TAF8: variants seen among roughly 807,000 people sequenced by gnomAD.
TAF8 encodes TATA-box binding protein associated factor 8, also known as transcription initiation factor TFIID subunit 8.
A neutral mutation model predicts 36.5 loss-of-function variants in TAF8; 47 were observed. That is an observed-to-expected ratio of 1.29 (90% CI 1.02 to 1.64). The LOEUF (loss-of-function observed/expected upper bound fraction) is 1.64. TAF8 is among the 40% of genes most tolerant of loss of function. The probability of loss-of-function intolerance (pLI) is 0.00; values close to 1 mark genes in which losing one functional copy is unlikely to be tolerated. For synonymous variants in TAF8, 175 were observed against 159.5 expected (o/e 1.10, Z -0.73); for missense variants, 420 against 407.6 (o/e 1.03, Z -0.26).
intron 7 of TAF8, among the ~76,000 whole-genome samples, chr6:42,070,340 A>C (rs113867213): frequency 0.085 from 12,976 of 151,866 alleles, 733 homozygotes; most frequent in East Asian, 0.26. Context: ...TACAAAAAAA[A>C]AATTAGCCAG....
At chr6:42,055,811 G>T in intron 3 of TAF8, 141 bp from the exon 4 acceptor site, 1 of 758,870 alleles carries the variant, frequency 1.3e-6, no homozygotes, top group Non-Finnish European at 2.3e-6. Flanking sequence ...TTCCCTGTTA[G>T]GGAATTCTGC....
intron 7 of TAF8, among the ~76,000 whole-genome samples, chr6:42,070,681 G>A (rs1465370593): frequency 1.3e-5 from 2 of 152,144 alleles, no homozygotes; most frequent in Non-Finnish European, 2.9e-5. Flanking sequence ...AACTAAAAGG[G>A]GGAAAATGAA....
At chr6:42,064,791 C>T (rs960987265) in intron 5 of TAF8, among the ~76,000 whole-genome samples, 4 of 150,870 alleles carry the variant, frequency 2.7e-5, no homozygotes, top group African/African-American at 7.3e-5. Context: ...CCCGTCTCTA[C>T]TAAAAATACA....
chr6:42,077,480 G>A (rs1179338920), intron 8 of TAF8, 53 bp from the exon 9 acceptor site: 55 of 1,606,322 alleles, frequency 3.4e-5, no homozygotes, highest in Non-Finnish European at 1.4e-5. Flanking sequence ...TCCCCTAGAA[G>A]GAGAGCAGAC....
chr6:42,079,187 G>C lies in TAF8; in HGVS notation c.*1642G>C, dbSNP rs542902525. 10 of 985,526 alleles carry C rather than the reference G, an allele frequency of 1.0e-5. No homozygotes were observed. The African/African-American group carries it at 1.4e-4, about 14-fold the overall frequency. 61.0% of individuals were successfully genotyped at this position (985,526 alleles called of 1,614,324 possible). The stretch of plus-strand genomic sequence containing the variant: ...TTTGGTGGGGTGAGGGTGGGGTGTT[G>C]AGGGCTGGGCCTCATCTTGTATTCT... On this transcript the variant is annotated 3_prime_UTR_variant, in exon 9 of 9. Transcript: ENST00000372977.
At chr6:42,054,892 A>G (rs1482092845) in intron 2 of TAF8, among the ~76,000 whole-genome samples, 1 of 149,466 alleles carries the variant, frequency 6.7e-6, no homozygotes, top group Non-Finnish European at 1.5e-5. Flanking sequence ...GGCGTGAGCC[A>G]CCACACCTGG....
intron 6 of TAF8, among the ~76,000 whole-genome samples, chr6:42,067,416 AGTTGGCCAG>A (rs977646202): frequency 6.6e-6 from 1 of 151,962 alleles, no homozygotes; most frequent in African/African-American, 2.4e-5. Flanking sequence ...GGTTTCACCC[AGTTGGCCAG>A]GTTGGTCTTG....
At chr6:42,086,948 C>T (rs1232588947), downstream of TAF8, 13 of 635,022 alleles carry the variant, frequency 2.0e-5, no homozygotes, top group Admixed American at 1.7e-4. Context: ...ATTCAGCCAA[C>T]CCAGAGGATG....
chr6:42,065,423 G>T (rs1410936524), intron 5 of TAF8, among the ~76,000 whole-genome samples: 5 of 152,154 alleles, frequency 3.3e-5, no homozygotes, highest in African/African-American at 1.2e-4. Flanking sequence ...TCCATAACTT[G>T]ATTGCCAGCA....
chr6:42,079,234 C>T lies in TAF8; in HGVS notation c.*1689C>T, dbSNP rs910333695. Reference sequence around the variant, plus strand: ...TTCTGAAAGCTGAGAAACGGCTGGTCAGCTGGAAGGCTGGTGGATGGGCAG... The same window carrying T: ...TTCTGAAAGCTGAGAAACGGCTGGTTAGCTGGAAGGCTGGTGGATGGGCAG... On this transcript the variant is annotated 3_prime_UTR_variant, in exon 9 of 9. Transcript: ENST00000372977. The T allele has an allele frequency of 3.0e-6, 3 of 985,564 alleles. No individual in the cohort carries two copies. In the Admixed American group the frequency reaches 1.8e-4, roughly 61 times the overall value. The allele number at this position is 985,564 out of a possible 1,614,324, so 61.1% of individuals were successfully genotyped here. A position where few individuals can be genotyped will look rare whatever the true frequency, so the allele number is the denominator to read the frequency against.
rs185402881 is a variant in TAF8, at chr6:42,060,177, A to C, written c.489+2664A>C. ...TTAAAAGCAAAGATTTGGAAGCACT[A>C]GTTTGGGGACTTCTAACCCACAAAG... is the stretch of plus-strand genomic sequence containing the variant. On this transcript the variant is annotated intron_variant, in intron 5 of 8. Coordinates refer to ENST00000372977, the MANE Select transcript of TAF8 (RefSeq NM_138572.3). 1.8e-4 allele frequency among the ~76,000 whole-genome samples: 28 copies of C among 152,314 alleles called. No homozygotes were observed. In the East Asian group the frequency reaches 5.4e-3, roughly 29 times the overall value.
chr6:42,060,400 G>T (rs573412820), intron 5 of TAF8, among the ~76,000 whole-genome samples: 4 of 152,294 alleles, frequency 2.6e-5, no homozygotes, highest in Admixed American at 6.5e-5. Context: ...ATAAAGTGCA[G>T]CAAGAATAAT....
At chr6:42,075,429 G>T (rs1457796626) in intron 7 of TAF8, among the ~76,000 whole-genome samples, 1 of 152,226 alleles carries the variant, frequency 6.6e-6, no homozygotes, top group East Asian at 1.9e-4. Context: ...CAATTGATAG[G>T]ACAGGGAGAG....
rs1465450119 is a variant in TAF8 at position 42,051,407 on chromosome 6, C to T, written c.96C>T (p.Ala32=). 6.2e-7 allele frequency: 1 copy of T among 1,613,886 alleles called. No individual in the cohort carries two copies. The highest frequency in any genetic ancestry group is 1.3e-5 in the African/African-American group (1 of 74,852). The stretch of plus-strand genomic sequence containing the variant: ...ACCCTGCCGATAACTATCATCTGGC[C>T]CGGAGGAGAACCCTGCAGGTGGTTG... ...STNPADNYHL[A]RRRTLQVVVS... The change falls in exon 2 of 9, where the codon GCC becomes GCT. Residue 32 remains alanine (A), a synonymous_variant. Transcript: ENST00000372977.
chr6:42,065,711 G>C (rs892727780), intron 5 of TAF8, among the ~76,000 whole-genome samples: 3 of 152,126 alleles, frequency 2.0e-5, no homozygotes, highest in African/African-American at 4.8e-5. Context: ...GCGTCTCTTA[G>C]ACCCGAGACC....
intron 7 of TAF8, among the ~76,000 whole-genome samples, chr6:42,069,885 GA>G (rs1168987171): frequency 2.0e-5 from 3 of 152,184 alleles, no homozygotes; most frequent in Non-Finnish European, 4.4e-5. Context: ...ATGGAGGTGG[GA>G]GAACTGGAAG....
downstream of TAF8, chr6:42,086,899 C>T (rs971615429): frequency 1.8e-5 from 15 of 820,484 alleles, no homozygotes; most frequent in East Asian, 5.3e-5. Flanking sequence ...CTTGTCAGAT[C>T]GCCCAGGTGA....
chr6:42,053,639 A>G (rs1250046936), intron 2 of TAF8, among the ~76,000 whole-genome samples: 1 of 152,158 alleles, frequency 6.6e-6, no homozygotes, highest in African/African-American at 2.4e-5. Flanking sequence ...TCTGTTATTC[A>G]TCAGACCCAT....
chr6:42,055,608 G>A lies in TAF8; in HGVS notation c.280G>A (p.Val94Met), dbSNP rs547928279. The change falls in exon 3 of 9, where the codon GTG becomes ATG. Residue 94 changes from valine (V) to methionine (M), a missense_variant. Val to Met is a conservative substitution (Grantham distance 21). Coordinates refer to ENST00000372977, the MANE Select transcript of TAF8 (RefSeq NM_138572.3). ...ARTQPTLSDI[V>M]VTLVEMGFNV... The stretch of plus-strand genomic sequence containing the variant: ...GACCCAGCCCACACTGTCCGATATC[G>A]TGGTCACACTTGTTGAGATGGGTGA... 2.0e-5 allele frequency: 33 copies of A among 1,614,122 alleles called. No homozygotes were observed. Among genetic ancestry groups the A allele is most frequent in the South Asian group, 3.3e-5 (3 of 91,078 alleles).
Sources: allele counts gnomAD v4.1 joint callset (sites outside exome capture counted in the v4.1 genomes callset), GRCh38; gene constraint gnomAD v4.1.1; transcripts MANE v1.5; gene names NCBI Gene and HGNC (gene_info 2026-07-23, HGNC 2026-07-21).